CTNNA1: variants seen among roughly 807,000 people sequenced by gnomAD.
CTNNA1 encodes the protein catenin alpha-1.
CTNNA1 carries 37 observed loss-of-function variants against 98.4 expected under a neutral mutation model. The observed-to-expected ratio is 0.38, with a 90% CI of 0.29 to 0.49. The LOEUF (loss-of-function observed/expected upper bound fraction) is 0.49. Ranked by LOEUF, CTNNA1 falls within the 20% of genes least tolerant of loss-of-function variation. The pLI is 0.95. For synonymous variants in CTNNA1, 404 were observed against 413.2 expected (o/e 0.98, Z 0.27); for missense variants, 761 against 1,147.2 (o/e 0.66, Z 4.86).
intron 1 of CTNNA1, among the ~76,000 whole-genome samples, chr5:138,774,340 A>T (rs1027524658): frequency 6.6e-6 from 1 of 151,888 alleles, no homozygotes; most frequent in Non-Finnish European, 1.5e-5. Flanking sequence ...TCTAATATTA[A>T]ATAATTTATT....
Position 138,874,695 on chromosome 5 carries a change from A to G in CTNNA1, c.1063-11517A>G, listed in dbSNP as rs1751107705. The G allele has an allele frequency of 4.0e-5, 30 of 745,994 alleles. 1 individual carries two copies. The South Asian group carries it at 5.9e-4, about 15-fold the overall frequency. The allele number at this position is 745,994 out of a possible 1,614,324, so 46.2% of individuals were successfully genotyped here. ...ATAACTTATTTTTCATTTACTGCAG[A>G]AAAATTAACCTTATTGGTATGACTG... On this transcript the variant is annotated intron_variant, in intron 7 of 17. Transcript: ENST00000302763. The surrounding 1 kb of genome is among the most constrained non-coding windows in gnomAD (Gnocchi z 4.1).
intron 7 of CTNNA1, among the ~76,000 whole-genome samples, chr5:138,859,276 T>C (rs1764044501): frequency 6.6e-6 from 1 of 152,206 alleles, no homozygotes; most frequent in African/African-American, 2.4e-5. Flanking sequence ...ACCTATCCTT[T>C]TTTTTCCGTG....
At chr5:138,756,335 T>G (rs1751643763) in intron 1 of CTNNA1, among the ~76,000 whole-genome samples, 1 of 152,034 alleles carries the variant, frequency 6.6e-6, no homozygotes, top group Non-Finnish European at 1.5e-5. Flanking sequence ...CCAGCCTGAT[T>G]TTTTAATTTT....
intron 1 of CTNNA1, among the ~76,000 whole-genome samples, chr5:138,760,057 C>T (rs550781107): frequency 9.5e-5 from 13 of 136,834 alleles, no homozygotes; most frequent in African/African-American, 2.5e-4. Context: ...TGCAATGGCG[C>T]GATCTTGGCT....
chr5:138,913,884 A>G (rs1408995515), intron 10 of CTNNA1, among the ~76,000 whole-genome samples: 2 of 152,076 alleles, frequency 1.3e-5, no homozygotes, highest in Non-Finnish European at 1.5e-5. Flanking sequence ...ACAGGGTCTC[A>G]TGGTTACTCA....
intron 10 of CTNNA1, among the ~76,000 whole-genome samples, chr5:138,913,598 A>T (rs2150203876): frequency 6.6e-6 from 1 of 152,010 alleles, no homozygotes; most frequent in Middle Eastern, 3.4e-3. Context: ...AAAAAAAAAA[A>T]ATTCAGTTGA....
At chr5:138,854,508 A>G (rs552180934) in intron 7 of CTNNA1, among the ~76,000 whole-genome samples, 196 of 152,352 alleles carry the variant, frequency 1.3e-3, no homozygotes, top group African/African-American at 4.3e-3. Context: ...TGCTAGAGGA[A>G]CTTAAGTGGG....
At position 138,873,052 on chromosome 5, in the gene CTNNA1, C is replaced by T. The variant is rs374876158; in HGVS notation, c.1063-13160C>T. ...TGTATGGCAGCTGCTGACACTTGCA[C>T]TGTCCATAACCATTAATGATGATGA... On this transcript the variant is annotated intron_variant, in intron 7 of 17. Coordinates refer to ENST00000302763, the MANE Select transcript of CTNNA1 (RefSeq NM_001903.5). This position sits in a 1 kb window ranked among gnomAD's most constrained non-coding sequence, Gnocchi z 6.1. 1.9e-6 allele frequency: 3 copies of T among 1,612,338 alleles called. No individual in the cohort carries two copies. Among genetic ancestry groups the T allele is most frequent in the Non-Finnish European group, 2.5e-6 (3 of 1,179,322 alleles).
At chr5:138,870,912 G>A (rs926398690) in intron 7 of CTNNA1, 3 of 152,098 alleles carry the variant, frequency 2.0e-5, no homozygotes, top group African/African-American at 7.2e-5. Context: ...CCCAGGGTCT[G>A]GTTTAACAAG....
At chr5:138,833,875 T>A (rs902099461) in intron 7 of CTNNA1, among the ~76,000 whole-genome samples, 1 of 152,186 alleles carries the variant, frequency 6.6e-6, no homozygotes, top group African/African-American at 2.4e-5. Context: ...CCTGAAAACG[T>A]TGGACATAGT....
intron 16 of CTNNA1, chr5:138,931,544 T>C (rs752961477): frequency 7.3e-6 from 7 of 962,494 alleles, no homozygotes; most frequent in South Asian, 4.8e-5. Flanking sequence ...AAGCCAAAGA[T>C]TGTAAAGGCA....
At position 138,758,306 on chromosome 5, in the gene CTNNA1, G is replaced by A. The variant is rs920637359; in HGVS notation, c.-3+4796G>A. Reference sequence around the variant, plus strand: ...AACCTCCGCCTCCCGGGTTCATGCCGTTCTCCTGCCTCAGCCTCCCTAGTA... The same window carrying A: ...AACCTCCGCCTCCCGGGTTCATGCCATTCTCCTGCCTCAGCCTCCCTAGTA... On this transcript the variant is annotated intron_variant, in intron 1 of 17. Coordinates refer to ENST00000302763, the MANE Select transcript of CTNNA1 (RefSeq NM_001903.5). 6.7e-5 allele frequency among the ~76,000 whole-genome samples: 10 copies of A among 150,268 alleles called. No homozygotes were observed. The South Asian group carries it at 1.3e-3, about 19-fold the overall frequency.
chr5:138,802,384 T>A (rs1757669490), intron 3 of CTNNA1, among the ~76,000 whole-genome samples: 1 of 152,148 alleles, frequency 6.6e-6, no homozygotes, highest in South Asian at 2.1e-4. Context: ...TTGGCCAGGG[T>A]GATCTCAGGA....
chr5:138,866,181 C>A (rs987377952), intron 7 of CTNNA1, among the ~76,000 whole-genome samples: 2 of 151,880 alleles, frequency 1.3e-5, no homozygotes, highest in Non-Finnish European at 2.9e-5. Flanking sequence ...TCTCATAACC[C>A]GGTCTGGAAA....
intron 9 of CTNNA1, among the ~76,000 whole-genome samples, chr5:138,897,294 ACCCCCCCCCCCCCCG>A (rs1349589007): frequency 6.1e-5 from 1 of 16,388 alleles, no homozygotes; most frequent in African/African-American, 2.2e-4. Context: ...CTCACACCGC[ACCCCCCCCCCCCCCG>A]CCCCCGCCCA....
At chr5:138,781,684 C>T (rs887608933) in intron 1 of CTNNA1, among the ~76,000 whole-genome samples, 20 of 152,000 alleles carry the variant, frequency 1.3e-4, no homozygotes, top group African/African-American at 4.8e-4. Context: ...CAAAGGGAAA[C>T]ATTCTGTGTG....
chr5:138,814,844 C>A (rs191839234), intron 5 of CTNNA1, among the ~76,000 whole-genome samples: 460 of 152,146 alleles, frequency 3.0e-3, no homozygotes, highest in Middle Eastern at 0.027. Flanking sequence ...ACCTCCACCT[C>A]CTGGGTTCAA....
chr5:138,833,710 A>G (rs754210873), intron 7 of CTNNA1, among the ~76,000 whole-genome samples: 2 of 152,226 alleles, frequency 1.3e-5, no homozygotes, highest in Non-Finnish European at 2.9e-5. Flanking sequence ...ACTTTGTTCA[A>G]TGTCCAGAAT....
At chr5:138,831,732 T>A (rs931681748) in intron 7 of CTNNA1, among the ~76,000 whole-genome samples, 4 of 152,258 alleles carry the variant, frequency 2.6e-5, no homozygotes, top group Non-Finnish European at 5.9e-5. Flanking sequence ...GCATTTCTTT[T>A]ATCCATTTTA....
Sources: allele counts gnomAD v4.1 joint callset (sites outside exome capture counted in the v4.1 genomes callset), GRCh38; gene constraint gnomAD v4.1.1; non-coding constraint Gnocchi (gnomAD v3.1); transcripts MANE v1.5; gene names NCBI Gene and HGNC (gene_info 2026-07-23, HGNC 2026-07-21).